Variants in VWA3B observed in about 807,000 individuals in gnomAD.
VWA3B encodes von Willebrand factor A domain-containing protein 3B.
Under a neutral mutation model 158.3 loss-of-function variants are expected in VWA3B, and 138 were observed. That is an observed-to-expected ratio of 0.87 (90% CI 0.76 to 1.00). The LOEUF (loss-of-function observed/expected upper bound fraction) is 1.00, where lower values mean the gene tolerates loss of function less well. VWA3B is among the 50% of genes least tolerant of loss of function. VWA3B has a pLI of 0.00. For synonymous variants in VWA3B, 596 were observed against 587.3 expected (o/e 1.01, Z -0.21); for missense variants, 1,555 against 1,565.1 (o/e 0.99, Z 0.11).
chr2:98,194,110 A>G (rs918613364), intron 11 of VWA3B, among the ~76,000 whole-genome samples: 1 of 152,192 alleles, frequency 6.6e-6, no homozygotes, highest in Non-Finnish European at 1.5e-5. Flanking sequence ...AAACTTTTAC[A>G]TATACGTGAC....
chr2:98,296,155 C>T (rs569222903), intron 23 of VWA3B, among the ~76,000 whole-genome samples: 1 of 152,320 alleles, frequency 6.6e-6, no homozygotes, highest in Non-Finnish European at 1.5e-5. Context: ...GGAAAACTGC[C>T]TAGTAGGCTT....
At chr2:98,284,301 C>T (rs905407349) in intron 22 of VWA3B, among the ~76,000 whole-genome samples, 5 of 152,032 alleles carry the variant, frequency 3.3e-5, no homozygotes, top group African/African-American at 1.2e-4. Context: ...GGTTATAAAC[C>T]GTATTTCCGC....
At chr2:98,299,955 A>T (rs1030956096) in intron 24 of VWA3B, 124 bp from the exon 25 acceptor site, 1 of 1,292,566 alleles carries the variant, frequency 7.7e-7, no homozygotes, top group Non-Finnish European at 1.1e-6. Flanking sequence ...TGAGAAAAAA[A>T]ATATCTATTT....
intron 22 of VWA3B, among the ~76,000 whole-genome samples, chr2:98,281,053 C>T (rs1023397907): frequency 1.3e-5 from 2 of 152,234 alleles, no homozygotes; most frequent in Admixed American, 6.5e-5. Context: ...ACTCGCTCCC[C>T]GCCCCGGAGA....
At chr2:98,214,183 C>T (rs367985684) in intron 13 of VWA3B, among the ~76,000 whole-genome samples, 5 of 151,384 alleles carry the variant, frequency 3.3e-5, no homozygotes, top group African/African-American at 1.2e-4. Context: ...AGAGCGAGTC[C>T]CTGTCTCTAA....
intron 22 of VWA3B, among the ~76,000 whole-genome samples, chr2:98,279,274 G>T (rs1257256098): frequency 6.6e-6 from 1 of 152,188 alleles, no homozygotes; most frequent in African/African-American, 2.4e-5. Flanking sequence ...TTCAGGAATG[G>T]GAAGGTGGGT....
intron 2 of VWA3B, among the ~76,000 whole-genome samples, chr2:98,098,637 A>G (rs553127230): frequency 6.6e-4 from 100 of 152,240 alleles, no homozygotes; most frequent in African/African-American, 2.2e-3. Context: ...GGCAGCATAT[A>G]GGTGGATCTT....
chr2:98,148,634 G>C (rs894810658), intron 7 of VWA3B, among the ~76,000 whole-genome samples: 9 of 151,966 alleles, frequency 5.9e-5, no homozygotes, highest in Admixed American at 5.2e-4. Flanking sequence ...AAATTGTTTT[G>C]GTCCTTCTAG....
intron 7 of VWA3B, among the ~76,000 whole-genome samples, chr2:98,148,192 A>C (rs1047484903): frequency 1.3e-5 from 2 of 152,174 alleles, no homozygotes; most frequent in African/African-American, 4.8e-5. Context: ...TCTCATGTTG[A>C]ATTGCTTTCC....
At chr2:98,255,180 A>ATTTTTTTTTTTTTTTTTTTTTTT in intron 20 of VWA3B, among the ~76,000 whole-genome samples, 1 of 65,934 alleles carries the variant, frequency 1.5e-5, no homozygotes, top group African/African-American at 6.5e-5. Flanking sequence ...CGCCCGGCTG[A>ATTTTTTTTTTTTTTTTTTTTTTT]TATTTTTTTT....
At chr2:98,164,787 T>G (rs1043181055) in intron 8 of VWA3B, among the ~76,000 whole-genome samples, 1 of 152,210 alleles carries the variant, frequency 6.6e-6, no homozygotes, top group Admixed American at 6.5e-5. Flanking sequence ...ACAAACAACC[T>G]CACTGCATTT....
chr2:98,132,265 G>T (rs909517148), intron 6 of VWA3B, among the ~76,000 whole-genome samples: 1 of 152,230 alleles, frequency 6.6e-6, no homozygotes, highest in Non-Finnish European at 1.5e-5. Flanking sequence ...AACCCATCAC[G>T]AGTAGTGCCC....
intron 22 of VWA3B, among the ~76,000 whole-genome samples, chr2:98,281,296 A>G (rs779219495): frequency 6.6e-6 from 1 of 152,180 alleles, no homozygotes; most frequent in South Asian, 2.1e-4. Context: ...GACAGTTTGC[A>G]AATGTCCCGG....
At chr2:98,321,071 A>G in the VWA3B span, among the ~76,000 whole-genome samples, 1 of 152,230 alleles carries the variant, frequency 6.6e-6, no homozygotes, top group Non-Finnish European at 1.5e-5. Flanking sequence ...AGCTTCAGCC[A>G]TGAGGTCAGT....
At chr2:98,323,927 G>T in the VWA3B span, among the ~76,000 whole-genome samples, 3 of 152,188 alleles carry the variant, frequency 2.0e-5, no homozygotes, top group African/African-American at 7.2e-5. Context: ...TTCTGATGTG[G>T]TGAGCATCCT....
chr2:98,156,397 T>A (rs1414352669), intron 7 of VWA3B, among the ~76,000 whole-genome samples: 1 of 152,174 alleles, frequency 6.6e-6, no homozygotes, highest in Non-Finnish European at 1.5e-5. Flanking sequence ...TCCATCTACG[T>A]GAGTGATATC....
intron 14 of VWA3B, among the ~76,000 whole-genome samples, chr2:98,224,063 A>G (rs1445624036): frequency 2.0e-5 from 3 of 152,360 alleles, no homozygotes; most frequent in Admixed American, 6.5e-5. Context: ...ATGAAGGGGA[A>G]ATAAAAATAT....
rs1267650914 is a variant in VWA3B, at chr2:98,300,080, T to C, written c.3284T>C (p.Val1095Ala). The change falls in exon 25 of 28, where the codon GTT (valine) becomes GCT (alanine). Residue 1095 changes from valine (V) to alanine (A), a missense_variant and splice_region_variant. Transcript: ENST00000477737. ...TTTGCTCTATGTTCTCCTCTGCAGG[T>C]TGGAGATTATGTGTTTGCCAAAATT... ...GGAMPCPLLQVGDYVFAKIVI... is the reference protein window; with the variant it reads ...GGAMPCPLLQAGDYVFAKIVI... The C allele has an allele frequency of 1.2e-6, 2 of 1,614,174 alleles. No individual in the cohort carries two copies. The highest frequency in any genetic ancestry group is 3.3e-5 in the Admixed American group (2 of 60,024).
chr2:98,266,505 CTTA>C (rs1413045055), intron 21 of VWA3B, among the ~76,000 whole-genome samples: 1 of 150,080 alleles, frequency 6.7e-6, no homozygotes, highest in Non-Finnish European at 1.5e-5. Context: ...GTTCTTTTGG[CTTA>C]GGATTGACTT....
Sources: allele counts gnomAD v4.1 joint callset (sites outside exome capture counted in the v4.1 genomes callset), GRCh38; gene constraint gnomAD v4.1.1; transcripts MANE v1.5; gene names NCBI Gene and HGNC (gene_info 2026-07-23, HGNC 2026-07-21).